Variants in TGFB2 observed in about 807,000 individuals in gnomAD.
TGFB2 encodes transforming growth factor beta 2.
In TGFB2, 13 loss-of-function variants were observed where a neutral mutation model predicts 42.7. The ratio of observed to expected loss-of-function variants is 0.30; its 90% confidence interval spans 0.20 to 0.48. TGFB2 has a LOEUF of 0.48. TGFB2 is among the 20% of genes least tolerant of loss of function. The pLI is 0.99. For synonymous variants in TGFB2, 193 were observed against 193.6 expected, an observed-to-expected ratio of 1.00 and a Z score of 0.03; for missense variants, 390 against 517.5, an observed-to-expected ratio of 0.75 and a Z score of 2.39.
chr1:218,361,509 C>T (rs1435214738), intron 1 of TGFB2, among the ~76,000 whole-genome samples: 1 of 152,122 alleles, frequency 6.6e-6, no homozygotes, highest in African/African-American at 2.4e-5. Flanking sequence ...TTCTGCACCA[C>T]GGCGTACACT....
intron 1 of TGFB2, among the ~76,000 whole-genome samples, chr1:218,362,620 G>A (rs1657251014): frequency 6.6e-6 from 1 of 152,142 alleles, no homozygotes; most frequent in East Asian, 1.9e-4. Flanking sequence ...TGAACACTCA[G>A]CAATATTTCC....
intron 1 of TGFB2, chr1:218,363,241 T>G: frequency 1.9e-6 from 2 of 1,061,998 alleles, no homozygotes; most frequent in Non-Finnish European, 1.4e-6. Flanking sequence ...GAACATTCAA[T>G]GAGTCCCTCT....
intron 5 of TGFB2, among the ~76,000 whole-genome samples, chr1:218,436,434 C>T (rs1659974057): frequency 6.6e-6 from 1 of 152,174 alleles, no homozygotes; most frequent in Non-Finnish European, 1.5e-5. Flanking sequence ...CTCTGCTCCT[C>T]AGAACAAATA....
intron 2 of TGFB2, among the ~76,000 whole-genome samples, chr1:218,430,435 T>C (rs922802575): frequency 6.6e-6 from 1 of 151,512 alleles, no homozygotes; most frequent in Non-Finnish European, 1.5e-5. Flanking sequence ...AGCAAATGAC[T>C]CATGAATCTA....
rs149937154 is a variant in TGFB2 at position 218,398,925 on chromosome 1, C to G, written c.347-6244C>G. Among the ~76,000 whole-genome samples, 1,333 of 152,200 alleles carry G rather than the reference C, an allele frequency of 8.8e-3. 19 individuals carry two copies. Among genetic ancestry groups the G allele is most frequent in the African/African-American group, 0.03 (1,234 of 41,528 alleles). On this transcript the variant is annotated intron_variant, in intron 1 of 6. Transcript: ENST00000366930. ...TAGAGACAGGTCTCACTCTGTTGCC[C>G]AGGCTTCAGTGCAGTGACTCAGTCA...
chr1:218,365,023 C>A (rs137950403), intron 1 of TGFB2, among the ~76,000 whole-genome samples: 8 of 152,244 alleles, frequency 5.3e-5, no homozygotes, highest in South Asian at 2.1e-4. Flanking sequence ...TTGAATACCC[C>A]CTATGTCCCT....
chr1:218,421,653 TA>T (rs147702639), intron 2 of TGFB2, among the ~76,000 whole-genome samples: 5,699 of 151,976 alleles, frequency 0.037, 185 homozygotes, highest in African/African-American at 0.093. Context: ...CCCCTACACA[TA>T]AAAAAAAGAT....
At chr1:218,370,558 GTGA>G (rs772771302) in intron 1 of TGFB2, among the ~76,000 whole-genome samples, 24 of 152,304 alleles carry the variant, frequency 1.6e-4, no homozygotes, top group African/African-American at 5.8e-4. Context: ...AAACATCCAT[GTGA>G]TGATATAGTA....
Position 218,345,833 on chromosome 1 carries a change from G to T in TGFB2, c.-869G>T, listed in dbSNP as rs1656645602. Among the ~76,000 whole-genome samples the T allele has an allele frequency of 6.6e-6, 1 of 152,136 alleles. No homozygotes were observed. Among genetic ancestry groups the T allele is most frequent in the South Asian group, 2.1e-4 (1 of 4,828 alleles). ...GGAGCAGGAGAAGGAGGGAGCTGGA[G>T]GCTGGAAGCGTTTGCAAGCGGCGGC... On this transcript the variant is annotated 5_prime_UTR_variant, in exon 1 of 7. It adds an upstream start codon to the 5' untranslated region. Coordinates refer to ENST00000366930, the MANE Select transcript of TGFB2 (RefSeq NM_003238.6).
At position 218,437,532 on chromosome 1, in the gene TGFB2, G is replaced by C; in HGVS notation, c.1086+36G>C. The C allele has an allele frequency of 1.9e-6, 3 of 1,575,398 alleles. No homozygotes were observed. The East Asian group carries it at 6.8e-5, about 36-fold the overall frequency. ...AGCTTACCTGTTGCCTCTGTTCTTGGGTTACCATGTGCACCTGCTGATAGT... is the reference window on the plus strand; with the variant it reads ...AGCTTACCTGTTGCCTCTGTTCTTGCGTTACCATGTGCACCTGCTGATAGT... On this transcript the variant is annotated intron_variant, in intron 6 of 6. Transcript: ENST00000366930.
intron 6 of TGFB2, among the ~76,000 whole-genome samples, chr1:218,437,949 T>C (rs772671718): frequency 6.6e-6 from 1 of 152,206 alleles, no homozygotes; most frequent in Non-Finnish European, 1.5e-5. Flanking sequence ...AGGATATCCA[T>C]TGCCTCAAAA....
chr1:218,366,601 T>C (rs765248063), intron 1 of TGFB2, among the ~76,000 whole-genome samples: 6 of 152,210 alleles, frequency 3.9e-5, no homozygotes, highest in Non-Finnish European at 7.3e-5. Context: ...CATGAGCCAC[T>C]GCGCCTGACC....
rs747369616 is a variant in TGFB2 at position 218,346,947 on chromosome 1, G to T, written c.246G>T (p.Ala82=). ...CCAGGGACTTGCTCCAGGAGAAGGC[G>T]AGCCGGAGGGCGGCCGCCTGCGAGC... ...NSTRDLLQEK[A]SRRAAACERE... Residue 82 remains alanine (A), a synonymous_variant, in exon 1 of 7, where the codon GCG becomes GCT. Transcript: ENST00000366930. The surrounding 1 kb of genome is among the most constrained non-coding windows in gnomAD (Gnocchi z 4.9). 2.5e-6 allele frequency: 4 copies of T among 1,614,038 alleles called. No individual in the cohort carries two copies. The South Asian group carries it at 3.3e-5, about 13-fold the overall frequency.
At chr1:218,390,597 C>T (rs1292964114) in intron 1 of TGFB2, among the ~76,000 whole-genome samples, 1 of 152,168 alleles carries the variant, frequency 6.6e-6, no homozygotes, top group African/African-American at 2.4e-5. Context: ...TAAAATAACA[C>T]ATACTTAAAC....
intron 6 of TGFB2, among the ~76,000 whole-genome samples, chr1:218,440,429 C>T (rs948581468): frequency 2.0e-5 from 3 of 151,626 alleles, no homozygotes; most frequent in African/African-American, 7.3e-5. Flanking sequence ...TTCCTTCCTT[C>T]CTTATTTATT....
chr1:218,370,075 G>C (rs964581878), intron 1 of TGFB2, among the ~76,000 whole-genome samples: 1 of 152,236 alleles, frequency 6.6e-6, no homozygotes, highest in East Asian at 1.9e-4. Context: ...CTGTCCTCAG[G>C]GAGCCTGCAC....
chr1:218,440,405 T>C (rs1393895797), intron 6 of TGFB2, among the ~76,000 whole-genome samples: 1 of 151,940 alleles, frequency 6.6e-6, no homozygotes, highest in Non-Finnish European at 1.5e-5. Flanking sequence ...ACACTTAACG[T>C]AGAAAGATTT....
chr1:218,428,853 T>C (rs1293096597), intron 2 of TGFB2, among the ~76,000 whole-genome samples: 1 of 152,176 alleles, frequency 6.6e-6, no homozygotes, highest in African/African-American at 2.4e-5. Flanking sequence ...TTTAAAGTAG[T>C]TTTTTCCAAT....
chr1:218,432,979 A>G (rs953499759), intron 2 of TGFB2, among the ~76,000 whole-genome samples: 1 of 152,110 alleles, frequency 6.6e-6, no homozygotes, highest in African/African-American at 2.4e-5. Flanking sequence ...CACCTAAAAT[A>G]TTCACTTCCT....
Sources: gnomAD v4.1 joint callset for allele counts (sites outside exome capture counted in the v4.1 genomes callset) on GRCh38, gnomAD v4.1.1 for gene constraint, Gnocchi (gnomAD v3.1) non-coding constraint, MANE v1.5 for transcripts, NCBI Gene and HGNC (gene_info 2026-07-23, HGNC 2026-07-21) for gene names.